The following CDC42SE2 variants were observed in gnomAD, a reference collection of about 807,000 sequenced individuals.
The protein encoded by CDC42SE2 is CDC42 small effector protein 2.
A neutral mutation model predicts 11.5 loss-of-function variants in CDC42SE2; 3 were observed. That is an observed-to-expected ratio of 0.26 (90% confidence interval 0.12 to 0.67). The LOEUF is 0.67. Ranked by LOEUF, CDC42SE2 falls within the 30% of genes least tolerant of loss-of-function variation. The pLI is 0.80. For synonymous variants in CDC42SE2, 33 were observed against 34.8 expected, an observed-to-expected ratio of 0.95 and a Z score of 0.18; for missense variants, 82 against 106.8, an observed-to-expected ratio of 0.77 and a Z score of 1.02.
intron 2 of CDC42SE2, among the ~76,000 whole-genome samples, chr5:131,320,054 GAAAAA>G (rs763857152): frequency 4.8e-5 from 3 of 62,786 alleles, no homozygotes; most frequent in African/African-American, 1.0e-4. Context: ...CCGTCTTAAA[GAAAAA>G]AAAAAAAAAA....
intron 2 of CDC42SE2, among the ~76,000 whole-genome samples, chr5:131,339,246 G>GGA (rs1554098965): frequency 0.038 from 1,086 of 28,248 alleles, 46 homozygotes; most frequent in African/African-American, 0.11. Context: ...GACTCTGTCT[G>GGA]AAAAAAAAAA....
intron 1 of CDC42SE2, among the ~76,000 whole-genome samples, chr5:131,306,845 G>A (rs1030358127): frequency 3.3e-5 from 5 of 151,896 alleles, no homozygotes; most frequent in African/African-American, 1.2e-4. Flanking sequence ...TATACTTTTT[G>A]GAGGCTATTG....
intron 1 of CDC42SE2, among the ~76,000 whole-genome samples, chr5:131,281,760 T>G (rs1757241989): frequency 6.6e-6 from 1 of 152,210 alleles, no homozygotes. Context: ...GAATATGGAC[T>G]TTGAAATTTA....
At chr5:131,251,812 G>A (rs1756640316) in intron 1 of CDC42SE2, among the ~76,000 whole-genome samples, 2 of 152,014 alleles carry the variant, frequency 1.3e-5, no homozygotes, top group African/African-American at 4.8e-5. Context: ...CCAGGAATTC[G>A]GGACCAGCCT....
Position 131,332,794 on chromosome 5 carries a change from T to C in CDC42SE2, c.-286+16650T>C, listed in dbSNP as rs985595297. On this transcript the variant is annotated intron_variant, in intron 2 of 4. Coordinates refer to ENST00000505065, the MANE Select transcript of CDC42SE2 (RefSeq NM_001375635.1). Reference sequence around the variant, plus strand: ...TTGAAAAGTGTCTGTTCATATCCTTTGCCCACTTTTTGATGGGGTTGTTTG... The same window carrying C: ...TTGAAAAGTGTCTGTTCATATCCTTCGCCCACTTTTTGATGGGGTTGTTTG... Among the ~76,000 whole-genome samples, 17 of 152,330 alleles carry C rather than the reference T, an allele frequency of 1.1e-4. No homozygotes were observed. The East Asian group carries it at 1.2e-3, about 10-fold the overall frequency.
At chr5:131,351,456 A>C (rs984679837) in intron 2 of CDC42SE2, among the ~76,000 whole-genome samples, 1 of 152,022 alleles carries the variant, frequency 6.6e-6, no homozygotes, top group Non-Finnish European at 1.5e-5. Flanking sequence ...GGGTTTCACC[A>C]TGTTAGCCAG....
In CDC42SE2 at chr5:131,393,553, C is replaced by CTGAG. The variant is rs1750738230; in HGVS notation, c.*2464_*2467dup. 6.6e-6 allele frequency: 1 copy of CTGAG among 152,348 alleles called. No homozygotes were observed. The highest frequency in any genetic ancestry group is 2.4e-5 in the African/African-American group (1 of 41,462). The allele number at this position is 152,348 out of a possible 1,614,324, so 9.4% of individuals were successfully genotyped here. A position where few individuals can be genotyped will look rare whatever the true frequency, so the allele number is the denominator to read the frequency against. ...GTGGATGTTGCATTGTGGAATTTGC[C>CTGAG]TGAGTACTGTTGTCATTCTGCTCAG... On this transcript the variant is annotated 3_prime_UTR_variant, in exon 5 of 5. Transcript: ENST00000505065.
At chr5:131,323,922 A>G (rs951575144) in intron 2 of CDC42SE2, among the ~76,000 whole-genome samples, 1 of 152,218 alleles carries the variant, frequency 6.6e-6, no homozygotes. Context: ...ACAAAAGTAC[A>G]TGAGATTCTA....
intron 2 of CDC42SE2, among the ~76,000 whole-genome samples, chr5:131,352,101 A>C (rs1749348225): frequency 6.6e-6 from 1 of 152,248 alleles, no homozygotes; most frequent in Non-Finnish European, 1.5e-5. Flanking sequence ...ACTACTGTAC[A>C]CCCACTAGGA....
chr5:131,322,185 C>T (rs1300375971), intron 2 of CDC42SE2, among the ~76,000 whole-genome samples: 1 of 152,096 alleles, frequency 6.6e-6, no homozygotes, highest in Admixed American at 6.6e-5. Flanking sequence ...GTAAAAGACA[C>T]ATAAAATTTA....
the CDC42SE2 span, among the ~76,000 whole-genome samples, chr5:131,228,578 AT>A: frequency 1.1e-4 from 16 of 152,182 alleles, no homozygotes; most frequent in Admixed American, 2.6e-4. Context: ...AAATTACATT[AT>A]TTTTTCCTAT....
chr5:131,344,241 C>G (rs1053515375), intron 2 of CDC42SE2, among the ~76,000 whole-genome samples: 1 of 152,202 alleles, frequency 6.6e-6, no homozygotes, highest in African/African-American at 2.4e-5. Context: ...CGGGGAATTC[C>G]CTTTCCTAGC....
At chr5:131,283,358 A>G (rs1439337819) in intron 1 of CDC42SE2, among the ~76,000 whole-genome samples, 2 of 151,922 alleles carry the variant, frequency 1.3e-5, no homozygotes, top group Non-Finnish European at 2.9e-5. Flanking sequence ...CCGTTTACAT[A>G]TTTTCTCTTT....
At chr5:131,330,851 C>CAAAA (rs912955913) in intron 2 of CDC42SE2, among the ~76,000 whole-genome samples, 2 of 58,150 alleles carry the variant, frequency 3.4e-5, no homozygotes, top group Non-Finnish European at 3.9e-5. Flanking sequence ...CCTGCCTTTA[C>CAAAA]AAAAAAAAAA....
chr5:131,254,948 G>A (rs530616317), intron 1 of CDC42SE2: 4 of 152,136 alleles, frequency 2.6e-5, no homozygotes, highest in East Asian at 1.9e-4. Context: ...CTGATCCTCT[G>A]ATTGAAGTGT....
At position 131,392,421 on chromosome 5, in the gene CDC42SE2, A is replaced by G. The variant is rs775579332; in HGVS notation, c.*1330A>G. 2.0e-5 allele frequency: 3 copies of G among 152,758 alleles called. No homozygotes were observed. Among genetic ancestry groups the G allele is most frequent in the African/African-American group, 7.2e-5 (3 of 41,450 alleles). 9.5% of individuals were successfully genotyped at this position (152,758 alleles called of 1,614,324 possible). ...ATTTCTTTGCTGCCATGGGCTGATG[A>G]TGCTGCTATTAGATAAAGTTTAGCT... On this transcript the variant is annotated 3_prime_UTR_variant, in exon 5 of 5. Transcript: ENST00000505065.
chr5:131,382,714 G>A (rs1750360628), intron 3 of CDC42SE2, among the ~76,000 whole-genome samples: 1 of 152,162 alleles, frequency 6.6e-6, no homozygotes, highest in Admixed American at 6.5e-5. Context: ...TCCTGCAGAT[G>A]CCACTGTCCT....
At chr5:131,295,889 G>A (rs1161589139) in intron 1 of CDC42SE2, among the ~76,000 whole-genome samples, 1 of 152,072 alleles carries the variant, frequency 6.6e-6, no homozygotes, top group Non-Finnish European at 1.5e-5. Context: ...GTTTCACCGT[G>A]TTAGCCAGGG....
intron 1 of CDC42SE2, among the ~76,000 whole-genome samples, chr5:131,274,962 A>G (rs1272056452): frequency 6.6e-6 from 1 of 152,234 alleles, no homozygotes; most frequent in African/African-American, 2.4e-5. Context: ...TTCTATAACT[A>G]AAAGTATTTG....
Sources: gnomAD v4.1 joint callset for allele counts (sites outside exome capture counted in the v4.1 genomes callset) on GRCh38, gnomAD v4.1.1 for gene constraint, MANE v1.5 for transcripts, NCBI Gene and HGNC (gene_info 2026-07-23, HGNC 2026-07-21) for gene names.